Variants in RASGRF1 observed in about 807,000 individuals in gnomAD.
RASGRF1 encodes Ras protein specific guanine nucleotide releasing factor 1, also known as ras-specific guanine nucleotide-releasing factor 1.
RASGRF1 carries 40 observed loss-of-function variants against 138.7 expected under a neutral mutation model. The ratio of observed to expected loss-of-function variants is 0.29; its 90% CI spans 0.22 to 0.38. The LOEUF is 0.38. RASGRF1 is among the 10% of genes least tolerant of loss of function. The pLI is 1.00. For synonymous variants in RASGRF1, 614 were observed against 663.2 expected (o/e 0.93, Z 1.14); for missense variants, 1,108 against 1,650.4 (o/e 0.67, Z 5.69).
chr15:78,984,967 C>T, intron 23 of RASGRF1, 40 bp downstream of exon 23: 2 of 1,593,966 alleles, frequency 1.3e-6, no homozygotes, highest in Non-Finnish European at 1.7e-6. Flanking sequence ...AGCCCCAATC[C>T]AGCCCCAGGG....
intron 23 of RASGRF1, among the ~76,000 whole-genome samples, chr15:78,982,883 T>C (rs2056066675): frequency 6.6e-6 from 1 of 151,820 alleles, no homozygotes; most frequent in African/African-American, 2.4e-5. Context: ...GATCGTCTCT[T>C]GGGTTTTTTT....
rs112402687 is a variant in RASGRF1 at position 78,999,804 on chromosome 15, G to A, written c.2685C>T (p.Ala895=). The A allele has an allele frequency of 1.0e-3, 1,633 of 1,614,182 alleles. 2 individuals carry two copies. Among genetic ancestry groups the A allele is most frequent in the Non-Finnish European group, 1.3e-3 (1,551 of 1,180,014 alleles). Residue 895 remains alanine, a synonymous_variant, in exon 17 of 27, where the codon GCC becomes GCT. Coordinates refer to ENST00000558480, the MANE Select transcript of RASGRF1 (RefSeq NM_001145648.3). ...SAASAFAIAT[A]GANEGTPNKE... Reference sequence around the variant, plus strand: ...TGTTTGGGGTGCCCTCGTTGGCCCCGGCGGTTGCTATGGCAAAGGCAGAGG... The same window carrying A: ...TGTTTGGGGTGCCCTCGTTGGCCCCAGCGGTTGCTATGGCAAAGGCAGAGG...
At chr15:79,049,789 C>T (rs970555673) in intron 3 of RASGRF1, among the ~76,000 whole-genome samples, 1 of 152,100 alleles carries the variant, frequency 6.6e-6, no homozygotes, top group African/African-American at 2.4e-5. Flanking sequence ...CTGTGAGAAG[C>T]GCTGCACGGG....
chr15:78,990,663 G>C (rs1345821780), intron 21 of RASGRF1, among the ~76,000 whole-genome samples: 1 of 152,216 alleles, frequency 6.6e-6, no homozygotes, highest in Non-Finnish European at 1.5e-5. Flanking sequence ...TGGTCTGTAG[G>C]ATGAGGGAAT....
intron 13 of RASGRF1, among the ~76,000 whole-genome samples, chr15:79,013,951 A>T (rs2056838717): frequency 6.6e-6 from 1 of 152,242 alleles, no homozygotes. Context: ...ATAGTTATTA[A>T]AAAAGAGTAC....
intron 1 of RASGRF1, among the ~76,000 whole-genome samples, chr15:79,081,747 C>G (rs1036695437): frequency 6.6e-6 from 1 of 152,182 alleles, no homozygotes; most frequent in African/African-American, 2.4e-5. Context: ...AGGGAGGGCC[C>G]CTGCTGTTTG....
chr15:78,979,655 C>T (rs1344049777), intron 24 of RASGRF1, among the ~76,000 whole-genome samples: 1 of 152,192 alleles, frequency 6.6e-6, no homozygotes. Context: ...TGTGTGGCCA[C>T]AGTGTGTGCA....
intron 13 of RASGRF1, chr15:79,012,521 G>A: frequency 6.2e-7 from 1 of 1,613,610 alleles, no homozygotes; most frequent in Non-Finnish European, 8.5e-7. Flanking sequence ...TCCCCTCCCT[G>A]GTCCTCCTGT....
intron 19 of RASGRF1, 90 bp from the exon 20 acceptor site, chr15:78,995,890 T>TA: frequency 1.6e-6 from 2 of 1,255,530 alleles, no homozygotes; most frequent in Middle Eastern, 2.3e-4. Flanking sequence ...CCTCTGCTCT[T>TA]ACGCCCCTCT....
intron 24 of RASGRF1, among the ~76,000 whole-genome samples, chr15:78,977,473 C>T (rs1417674206): frequency 1.3e-5 from 2 of 152,330 alleles, no homozygotes; most frequent in Middle Eastern, 3.4e-3. Context: ...CATTTTACCA[C>T]TGGGTTGCTA....
chr15:78,968,666 G>A (rs2055692751), intron 26 of RASGRF1, among the ~76,000 whole-genome samples: 1 of 152,210 alleles, frequency 6.6e-6, no homozygotes, highest in Non-Finnish European at 1.5e-5. Flanking sequence ...GCAGTAGTGT[G>A]TTGGAGCTGG....
intron 24 of RASGRF1, chr15:78,978,997 A>T: frequency 7.7e-7 from 1 of 1,292,542 alleles, no homozygotes; most frequent in Non-Finnish European, 1.0e-6. Flanking sequence ...GGGGGGCCCC[A>T]GAGGCAGTGG....
intron 24 of RASGRF1, chr15:78,978,948 A>T (rs1274366300): frequency 1.6e-6 from 2 of 1,285,192 alleles, no homozygotes; most frequent in Non-Finnish European, 2.0e-6. Context: ...AGGCCACCTG[A>T]AAGAGGGAAG....
At chr15:79,017,065 G>A (rs2056889117) in intron 12 of RASGRF1, among the ~76,000 whole-genome samples, 1 of 152,298 alleles carries the variant, frequency 6.6e-6, no homozygotes, top group Admixed American at 6.5e-5. Context: ...CCTGTCCTGG[G>A]GCCTAAACCC....
At chr15:79,038,716 T>C (rs948275895) in intron 5 of RASGRF1, among the ~76,000 whole-genome samples, 1 of 152,214 alleles carries the variant, frequency 6.6e-6, no homozygotes, top group Non-Finnish European at 1.5e-5. Flanking sequence ...TGATTTTGTG[T>C]CTGGTGTTAT....
At chr15:79,085,308 CATGCA>C (rs1253434763) in intron 1 of RASGRF1, among the ~76,000 whole-genome samples, 2 of 152,142 alleles carry the variant, frequency 1.3e-5, no homozygotes, top group Non-Finnish European at 2.9e-5. Flanking sequence ...AGGGGAGGCA[CATGCA>C]GCTCTGAAAA....
chr15:79,024,888 C>T (rs1222886148), intron 10 of RASGRF1, among the ~76,000 whole-genome samples: 1 of 151,942 alleles, frequency 6.6e-6, no homozygotes, highest in Non-Finnish European at 1.5e-5. Context: ...TATATATACA[C>T]ACCACGCACA....
chr15:78,961,032 C>A lies in RASGRF1; in HGVS notation c.*1112G>T, dbSNP rs2055536793. On this transcript the variant is annotated 3_prime_UTR_variant, in exon 27 of 27. Coordinates refer to ENST00000558480, the MANE Select transcript of RASGRF1 (RefSeq NM_001145648.3). ...ATTTTAGGACTTGAAATAGAATTCT[C>A]ATACCACTAGGTATTGCTTACAGCA... 1 of 152,214 alleles carries A rather than the reference C, an allele frequency of 6.6e-6. No individual in the cohort carries two copies. Among genetic ancestry groups the A allele is most frequent in the Admixed American group, 6.5e-5 (1 of 15,282 alleles). The allele number at this position is 152,214 out of a possible 1,614,324, so 9.4% of individuals were successfully genotyped here.
At chr15:79,005,583 G>A (rs890608496) in intron 14 of RASGRF1, 2 of 986,224 alleles carry the variant, frequency 2.0e-6, no homozygotes, top group Non-Finnish European at 2.4e-6. Flanking sequence ...GTCCTTCATT[G>A]CCCCATGACT....
Sources: gnomAD v4.1 joint callset for allele counts (sites outside exome capture counted in the v4.1 genomes callset) on GRCh38, gnomAD v4.1.1 for gene constraint, MANE v1.5 for transcripts, NCBI Gene and HGNC (gene_info 2026-07-23, HGNC 2026-07-21) for gene names.